PRDM15: variants seen among roughly 807,000 people sequenced by gnomAD.
PRDM15 encodes the protein PR/SET domain 15.
In PRDM15, 64 loss-of-function variants were observed where a neutral mutation model predicts 128.6. The ratio of observed to expected loss-of-function variants is 0.50; its 90% CI spans 0.41 to 0.61. The LOEUF is 0.61. PRDM15 is among the 20% of genes least tolerant of loss of function. PRDM15 has a pLI of 0.00. For synonymous variants in PRDM15, 615 were observed against 621.8 expected, an observed-to-expected ratio of 0.99 and a Z score of 0.16; for missense variants, 1,242 against 1,569.1, an observed-to-expected ratio of 0.79 and a Z score of 3.52.
chr21:41,856,233 TTCCCTTCCTTCCTTCCCTCCCTCCCC>T lies in PRDM15; in HGVS notation c.285+917_285+942del, dbSNP rs1183489892. ...TCCTTCCCTCCCTCCCCTCCCTTCC[TTCCCTTCCTTCCTTCCCTCCCTCCCC>T]TCCCTTCCTTCCTTCCCTCCTTCCC... is the stretch of plus-strand genomic sequence containing the variant. On this transcript the variant is annotated intron_variant, in intron 4 of 23. Transcript: ENST00000398548. Among the ~76,000 whole-genome samples the T allele has an allele frequency of 2.0e-4, 11 of 54,524 alleles. 1 individual carries two copies. Among genetic ancestry groups the T allele is most frequent in the African/African-American group, 6.2e-4 (7 of 11,344 alleles). The allele number at this position is 54,524 out of a possible 152,430, so 35.8% of individuals were successfully genotyped here.
intron 12 of PRDM15, 58 bp from the exon 13 acceptor site, chr21:41,826,112 C>T (rs922615979): frequency 7.3e-7 from 1 of 1,370,030 alleles, no homozygotes; most frequent in Non-Finnish European, 1.0e-6. Flanking sequence ...CGCGAAGGTC[C>T]ATCAGATTCC....
At chr21:41,818,548 G>T (rs1336317439) in intron 18 of PRDM15, among the ~76,000 whole-genome samples, 1 of 152,106 alleles carries the variant, frequency 6.6e-6, no homozygotes. Context: ...AGGAACAGAG[G>T]GCCAGGAAGT....
chr21:41,832,543 T>C lies in PRDM15; in HGVS notation c.1366+2894A>G, dbSNP rs112088100. 0.019 allele frequency among the ~76,000 whole-genome samples: 2,854 copies of C among 152,200 alleles called. 89 individuals carry two copies. Among genetic ancestry groups the C allele is most frequent in the African/African-American group, 0.066 (2,721 of 41,498 alleles). Reference sequence around the variant, plus strand: ...CCACACCTTTACAGTGCTGTGGCATTGGATTGCCACACTCCCCTCAACCTG... The same window carrying C: ...CCACACCTTTACAGTGCTGTGGCATCGGATTGCCACACTCCCCTCAACCTG... On this transcript the variant is annotated intron_variant, in intron 11 of 23. Transcript: ENST00000398548. The surrounding 1 kb of genome is among the most constrained non-coding windows in gnomAD (Gnocchi z 4.2).
intron 5 of PRDM15, among the ~76,000 whole-genome samples, chr21:41,853,304 T>G (rs2063483974): frequency 6.6e-6 from 1 of 152,184 alleles, no homozygotes; most frequent in African/African-American, 2.4e-5. Flanking sequence ...AAGTTAAGAA[T>G]CTTAAGCTAC....
intron 12 of PRDM15, 134 bp from the exon 13 acceptor site, chr21:41,826,188 G>A (rs1006148941): frequency 1.5e-6 from 1 of 660,678 alleles, no homozygotes; most frequent in Non-Finnish European, 2.7e-6. Context: ...ACAGAAGCGT[G>A]GCAGTTTAAG....
chr21:41,870,789 C>T (rs2064182542), intron 1 of PRDM15: 1 of 152,238 alleles, frequency 6.6e-6, no homozygotes, highest in Admixed American at 6.5e-5. Context: ...ACTGCAGACT[C>T]CCGGGGTCAG....
Position 41,822,053 on chromosome 21 carries a change from C to A in PRDM15, c.1762-16G>T. 1 of 1,613,602 alleles carries A rather than the reference C, an allele frequency of 6.2e-7. No homozygotes were observed. The highest frequency in any genetic ancestry group is 8.5e-7 in the Non-Finnish European group (1 of 1,180,038). ...ACGCGATGTCCTGGAAAACAGCCAC[C>A]ACTTCCGGTTTCTAACAGCGCAGCA... is the stretch of plus-strand genomic sequence containing the variant. On this transcript the variant is annotated splice_polypyrimidine_tract_variant and intron_variant, in intron 14 of 23. Coordinates refer to ENST00000398548, the MANE Select transcript of PRDM15 (RefSeq NM_001040424.3).
Position 41,854,417 on chromosome 21 carries a change from G to A in PRDM15, c.538+149C>T, listed in dbSNP as rs151310102. The A allele has an allele frequency of 6.5e-5, 65 of 1,006,198 alleles. No individual in the cohort carries two copies. In the Middle Eastern group the frequency reaches 9.4e-4, roughly 15 times the overall value. 62.3% of individuals were successfully genotyped at this position (1,006,198 alleles called of 1,614,324 possible). On this transcript the variant is annotated intron_variant, in intron 5 of 23. Transcript: ENST00000398548. This position sits in a 1 kb window ranked among gnomAD's most constrained non-coding sequence, Gnocchi z 4.6. ...TTAAAACAAGCAGAAAGACAGACCC[G>A]ACTCTCCACTCCTCCACTCTCCGCA...
chr21:41,824,062 G>C (rs2062380561), intron 13 of PRDM15, among the ~76,000 whole-genome samples: 1 of 152,222 alleles, frequency 6.6e-6, no homozygotes, highest in Non-Finnish European at 1.5e-5. Context: ...CCACTGCTAG[G>C]GCCCTAGAAA....
In PRDM15 at chr21:41,836,567, T is replaced by C. The variant is rs1477107578; in HGVS notation, c.1084A>G (p.Ile362Val). 6.2e-6 allele frequency: 10 copies of C among 1,613,542 alleles called. No homozygotes were observed. The highest frequency in any genetic ancestry group is 1.7e-5 in the Admixed American group (1 of 59,994). ...CGCTTGTGCTCCCCGAGCTGTTTGA[T>C]GAGCTTGCGCCGGATGCCGTGTCTG... Reference protein sequence around the residue: ...SSRHGIRRKLIKQLGEHKRVY... With the variant: ...SSRHGIRRKLVKQLGEHKRVY... Residue 362 changes from isoleucine to valine, a missense_variant, in exon 9 of 24, where the codon ATC becomes GTC. Physicochemically the swap from Ile to Val is conservative, Grantham distance 29. Around this residue, in one of 3 missense-constraint regions of PRDM15, gnomAD observed 612 missense variants for 717.0 expected, o/e 0.85. Coordinates refer to ENST00000398548, the MANE Select transcript of PRDM15 (RefSeq NM_001040424.3).
chr21:41,875,321 G>A (rs987252881), intron 1 of PRDM15, among the ~76,000 whole-genome samples: 8 of 152,238 alleles, frequency 5.3e-5, no homozygotes, highest in African/African-American at 1.4e-4. Context: ...GCGGCCCCTC[G>A]CCCTGCCAGG....
Position 41,821,089 on chromosome 21 carries a change from G to T in PRDM15, c.2038C>A (p.Leu680Met), listed in dbSNP as rs776480145. 6.2e-7 allele frequency: 1 copy of T among 1,614,124 alleles called. No individual in the cohort carries two copies. The highest frequency in any genetic ancestry group is 1.3e-5 in the African/African-American group (1 of 74,944). The change falls in exon 16 of 24, where the codon CTG becomes ATG. Residue 680 changes from leucine (L) to methionine (M), a missense_variant. Physicochemically the swap from Leu to Met is conservative, Grantham distance 15. This residue lies in a region of PRDM15 where 602 missense variants were observed against 788.3 expected (regional missense o/e 0.76). Transcript: ENST00000398548. The surrounding 1 kb of genome is among the most constrained non-coding windows in gnomAD (Gnocchi z 5.4). ...CACTTCTGCACGTTGGGGTCCGGCA[G>T]GTTTTCACGGTGGATGACCATGTGG... ...HAHMVIHREN[L>M]PDPNVQKYIH...
rs1294175406 is a variant in PRDM15 at position 41,801,085 on chromosome 21, G to A, written c.*155C>T. 3.6e-6 allele frequency: 4 copies of A among 1,100,610 alleles called. No individual in the cohort carries two copies. The highest frequency in any genetic ancestry group is 1.7e-5 in the South Asian group (1 of 58,620). The allele number at this position is 1,100,610 out of a possible 1,614,324, so 68.2% of individuals were successfully genotyped here. Reference sequence around the variant, plus strand: ...TAGAGTTAAGCTGACAGACCGTAATGGTTGCTGGCGGGGGATCTGGAGATA... The same window carrying A: ...TAGAGTTAAGCTGACAGACCGTAATAGTTGCTGGCGGGGGATCTGGAGATA... On this transcript the variant is annotated 3_prime_UTR_variant, in exon 24 of 24. Coordinates refer to ENST00000398548, the MANE Select transcript of PRDM15 (RefSeq NM_001040424.3).
chr21:41,878,755 A>G, intron 1 of PRDM15: 2 of 1,551,950 alleles, frequency 1.3e-6, no homozygotes, highest in Non-Finnish European at 1.7e-6. Flanking sequence ...TGCGACCCGC[A>G]TGGGCTGTAC....
rs73906108 is a variant in PRDM15 at position 41,862,306 on chromosome 21, G to A, written c.-9-1934C>T. Among the ~76,000 whole-genome samples, 1,724 of 152,280 alleles carry A rather than the reference G, an allele frequency of 0.011. 36 individuals are homozygous for A. The highest frequency in any genetic ancestry group is 0.039 in the African/African-American group (1,639 of 41,558). On this transcript the variant is annotated intron_variant, in intron 1 of 23. Coordinates refer to ENST00000398548, the MANE Select transcript of PRDM15 (RefSeq NM_001040424.3). This position sits in a 1 kb window ranked among gnomAD's most constrained non-coding sequence, Gnocchi z 4.1. The stretch of plus-strand genomic sequence containing the variant: ...GAGTCCCAACAAAGGTATTGGAATC[G>A]GAGTGGGAGGATGGAAGGAAGTCGT...
In PRDM15 at chr21:41,879,217, G is replaced by T. The variant is rs1466754077; in HGVS notation, c.-10+53C>A. On this transcript the variant is annotated intron_variant, in intron 1 of 23. Transcript: ENST00000398548. The surrounding 1 kb of genome is among the most constrained non-coding windows in gnomAD (Gnocchi z 5.1). ...GCGGGGGCAGCGGGTGCGGCCCGGG[G>T]CCGGCGGGGCGCACGCCGGGGCGGG... 3.8e-6 allele frequency: 3 copies of T among 792,664 alleles called. No individual in the cohort carries two copies. Among genetic ancestry groups the T allele is most frequent in the East Asian group, 1.3e-4 (1 of 7,640 alleles). 49.1% of individuals were successfully genotyped at this position (792,664 alleles called of 1,614,324 possible).
At position 41,810,262 on chromosome 21, in the gene PRDM15, G is replaced by A. The variant is rs369007232; in HGVS notation, c.2544C>T (p.His848=). The A allele has an allele frequency of 7.4e-6, 12 of 1,613,340 alleles. No individual in the cohort carries two copies. Among genetic ancestry groups the A allele is most frequent in the Admixed American group, 5.0e-5 (3 of 59,982 alleles). Residue 848 remains histidine (H), a synonymous_variant, in exon 21 of 24, where the codon CAC becomes CAT. Coordinates refer to ENST00000398548, the MANE Select transcript of PRDM15 (RefSeq NM_001040424.3). The surrounding 1 kb of genome is among the most constrained non-coding windows in gnomAD (Gnocchi z 6.4). ...KYVTEYMLQK[H]VQLTHDKVEA... is the part of the protein sequence containing the mutation. ...CCACCTTGTCGTGTGTGAGCTGAAC[G>A]TGCTTCTGCAGCATGTACTCGGTCA...
rs948822323 is a variant in PRDM15, at chr21:41,845,606, C to G, written c.640+1484G>C. 2.6e-5 allele frequency among the ~76,000 whole-genome samples: 4 copies of G among 151,940 alleles called. No individual in the cohort carries two copies. In the East Asian group the frequency reaches 7.9e-4, roughly 30 times the overall value. On this transcript the variant is annotated intron_variant, in intron 6 of 23. Transcript: ENST00000398548. ...GGGACTCCTGCCTCTGTTTACTCAT[C>G]CCTGAAATGGAGCCACGGTTGTACC... is the stretch of plus-strand genomic sequence containing the variant.
intron 1 of PRDM15, among the ~76,000 whole-genome samples, chr21:41,876,724 A>C (rs1484109532): frequency 2.6e-5 from 4 of 152,204 alleles, no homozygotes; most frequent in Non-Finnish European, 4.4e-5. Flanking sequence ...TGAATGCCTC[A>C]GGTCACCTGC....
Sources: allele counts gnomAD v4.1 joint callset (sites outside exome capture counted in the v4.1 genomes callset), GRCh38; gene constraint gnomAD v4.1.1; regional missense constraint gnomAD v4.1.1; non-coding constraint Gnocchi (gnomAD v3.1); transcripts MANE v1.5; gene names NCBI Gene and HGNC (gene_info 2026-07-23, HGNC 2026-07-21).